The following ACACA variants were observed in gnomAD, a reference collection of about 807,000 sequenced individuals.
ACACA encodes the protein acetyl-CoA carboxylase alpha.
In ACACA, 103 loss-of-function variants were observed where a neutral mutation model predicts 296.1. The ratio of observed to expected loss-of-function variants is 0.35; its 90% CI spans 0.30 to 0.41. The LOEUF (loss-of-function observed/expected upper bound fraction) is 0.41. Among genes scored for constraint, ACACA ranks in the 10% least tolerant of loss-of-function variants. The probability of loss-of-function intolerance (pLI) is 1.00; values close to 1 mark genes in which losing one functional copy is unlikely to be tolerated. For synonymous variants in ACACA, 953 were observed against 1,038.6 expected, an observed-to-expected ratio of 0.92 and a Z score of 1.58; for missense variants, 1,554 against 2,989.7, an observed-to-expected ratio of 0.52 and a Z score of 11.20.
In ACACA at chr17:37,085,883, A is replaced by AT. The variant is rs758292378; in HGVS notation, c.*1432dup. Reference sequence around the variant, plus strand: ...TGTCTTAGTGATTTCCTCCTTGGTCATCAGTGACAAATGCAGTTAGCTGCA... The same window carrying AT: ...TGTCTTAGTGATTTCCTCCTTGGTCATTCAGTGACAAATGCAGTTAGCTGCA... On this transcript the variant is annotated 3_prime_UTR_variant, in exon 56 of 56. Transcript: ENST00000616317. 5.5e-5 allele frequency: 22 copies of AT among 398,958 alleles called. No individual in the cohort carries two copies. The South Asian group carries it at 7.7e-4, about 14-fold the overall frequency. The allele number at this position is 398,958 out of a possible 1,614,324, so 24.7% of individuals were successfully genotyped here.
chr17:37,239,435 T>C (rs1472523710), intron 24 of ACACA, among the ~76,000 whole-genome samples: 2 of 152,190 alleles, frequency 1.3e-5, no homozygotes, highest in African/African-American at 4.8e-5. Context: ...CAGGCATCCT[T>C]GTCTTATTCC....
chr17:37,328,868 G>A (rs1387906989), intron 3 of ACACA: 2 of 398,386 alleles, frequency 5.0e-6, no homozygotes, highest in African/African-American at 2.1e-5. Flanking sequence ...TCCACACCAA[G>A]CCAGTATCAA....
rs1323659462 is a variant in ACACA, at chr17:37,246,809, C to T, written c.2460+17G>A. The stretch of plus-strand genomic sequence containing the variant: ...CCTTCCCCTCCCATGATCCCACAGT[C>T]CTTTCACCACCCTGACCTCAATCTC... On this transcript the variant is annotated intron_variant, in intron 19 of 55. Transcript: ENST00000616317. The T allele has an allele frequency of 6.2e-7, 1 of 1,613,206 alleles. No homozygotes were observed. Among genetic ancestry groups the T allele is most frequent in the Non-Finnish European group, 8.5e-7 (1 of 1,180,022 alleles).
At chr17:37,299,133 T>C in intron 3 of ACACA, 4 of 832,772 alleles carry the variant, frequency 4.8e-6, no homozygotes, top group Non-Finnish European at 7.4e-6. Flanking sequence ...AATATGCCCA[T>C]TTTTATTCAT....
chr17:37,359,452 T>A (rs1295830836), intron 1 of ACACA, among the ~76,000 whole-genome samples: 1 of 151,172 alleles, frequency 6.6e-6, no homozygotes, highest in Non-Finnish European at 1.5e-5. Context: ...TGGGCAGTCG[T>A]GGCGCCCCTG....
At chr17:37,230,179 G>A (rs1019542605) in intron 25 of ACACA, among the ~76,000 whole-genome samples, 1 of 151,514 alleles carries the variant, frequency 6.6e-6, no homozygotes, top group East Asian at 1.9e-4. Context: ...GAGGTCAGGC[G>A]TTCGAGACCA....
chr17:37,346,912 A>G (rs1441425724), intron 1 of ACACA, among the ~76,000 whole-genome samples: 1 of 151,916 alleles, frequency 6.6e-6, no homozygotes, highest in African/African-American at 2.4e-5. Flanking sequence ...CTCAGATGAG[A>G]CTCTGGACTG....
intron 35 of ACACA, among the ~76,000 whole-genome samples, chr17:37,196,425 G>T (rs1056185975): frequency 6.6e-6 from 1 of 151,746 alleles, no homozygotes; most frequent in East Asian, 1.9e-4. Flanking sequence ...ACTCTCTCTC[G>T]GGAGATATGT....
At chr17:37,263,618 G>A in intron 11 of ACACA, 67 bp downstream of exon 11, 1 of 1,297,344 alleles carries the variant, frequency 7.7e-7, no homozygotes. Flanking sequence ...TTCTCAGATT[G>A]GTACATGAAC....
chr17:37,365,507 C>G (rs2049575987), intron 1 of ACACA: 1 of 985,434 alleles, frequency 1.0e-6, no homozygotes, highest in Non-Finnish European at 1.2e-6. Flanking sequence ...AGAGGCAAAG[C>G]CTCCAGTGGG....
At chr17:37,125,070 C>CTA (rs2074713074) in intron 48 of ACACA, among the ~76,000 whole-genome samples, 1 of 152,158 alleles carries the variant, frequency 6.6e-6, no homozygotes, top group African/African-American at 2.4e-5. Flanking sequence ...TTATAGCAAG[C>CTA]ACTACAGATT....
At chr17:37,098,856 A>G (rs1221873617) in intron 52 of ACACA, among the ~76,000 whole-genome samples, 1 of 152,214 alleles carries the variant, frequency 6.6e-6, no homozygotes, top group African/African-American at 2.4e-5. Flanking sequence ...ATAGTGTCCC[A>G]GTAGAGGTGT....
At chr17:37,389,520 T>C (rs911941692) in intron 1 of ACACA, among the ~76,000 whole-genome samples, 1 of 152,022 alleles carries the variant, frequency 6.6e-6, no homozygotes, top group Non-Finnish European at 1.5e-5. Flanking sequence ...GACGAAACCC[T>C]GTCTCTACTA....
At chr17:37,119,589 AACACACACAC>A (rs71368443) in intron 50 of ACACA, among the ~76,000 whole-genome samples, 16,799 of 128,276 alleles carry the variant, frequency 0.13, 1,117 homozygotes, top group East Asian at 0.23. Flanking sequence ...TTTTCAACCA[AACACACACAC>A]ACACACACAC....
At chr17:37,400,848 C>T (rs2051260617) in intron 1 of ACACA, among the ~76,000 whole-genome samples, 1 of 152,082 alleles carries the variant, frequency 6.6e-6, no homozygotes, top group Non-Finnish European at 1.5e-5. Flanking sequence ...AATAATGCTG[C>T]AATGGATATG....
chr17:37,400,459 A>G (rs2051242973), intron 1 of ACACA, among the ~76,000 whole-genome samples: 1 of 144,244 alleles, frequency 6.9e-6, no homozygotes, highest in Non-Finnish European at 1.5e-5. Context: ...ATATAGTATA[A>G]TAGATCTCCT....
chr17:37,179,998 AT>A (rs533664380), intron 40 of ACACA, among the ~76,000 whole-genome samples: 24 of 152,360 alleles, frequency 1.6e-4, no homozygotes, highest in African/African-American at 4.8e-4. Flanking sequence ...CATTTAAAAA[AT>A]ATTATGATTT....
rs192941549 is a variant in ACACA at position 37,172,179 on chromosome 17, G to C, written c.5079+7081C>G. ...AATATGCTGGCAAGTACATTCTTTT[G>C]TTTGAAGGCTATCTCTAGACTTATT... On this transcript the variant is annotated intron_variant, in intron 41 of 55. Transcript: ENST00000616317. Among the ~76,000 whole-genome samples the C allele has an allele frequency of 3.1e-3, 475 of 152,260 alleles. 3 individuals carry two copies. Among genetic ancestry groups the C allele is most frequent in the African/African-American group, 0.011 (440 of 41,550 alleles).
At chr17:37,165,632 T>C (rs2076635739) in intron 41 of ACACA, among the ~76,000 whole-genome samples, 1 of 152,076 alleles carries the variant, frequency 6.6e-6, no homozygotes, top group Non-Finnish European at 1.5e-5. Flanking sequence ...CCTAAAGTAA[T>C]TCCTATCTTT....
Sources: allele counts gnomAD v4.1 joint callset (sites outside exome capture counted in the v4.1 genomes callset), GRCh38; gene constraint gnomAD v4.1.1; transcripts MANE v1.5; gene names NCBI Gene and HGNC (gene_info 2026-07-23, HGNC 2026-07-21).